DLGAP1: variants seen among roughly 807,000 people sequenced by gnomAD.
DLGAP1 encodes disks large-associated protein 1.
In DLGAP1, 11 loss-of-function variants were observed where a neutral mutation model predicts 90.8. That is an observed-to-expected ratio of 0.12 (90% CI 0.08 to 0.20). DLGAP1 has a LOEUF of 0.20. Ranked by LOEUF, DLGAP1 falls within the 10% of genes least tolerant of loss-of-function variation. The pLI, the probability that DLGAP1 is intolerant of heterozygous loss-of-function variation, is 1.00. For missense variants in DLGAP1, 1,050 were observed against 1,333.8 expected (o/e 0.79, Z 3.31); for synonymous variants, 558 against 540.7 (o/e 1.03, Z -0.44).
chr18:3,667,245 A>G (rs1204559600), intron 7 of DLGAP1, among the ~76,000 whole-genome samples: 1 of 151,722 alleles, frequency 6.6e-6, no homozygotes, highest in African/African-American at 2.4e-5. Context: ...CACCCAGCTT[A>G]TTTTTGTACT....
At chr18:3,815,742 T>G (rs1157105211) in intron 4 of DLGAP1, among the ~76,000 whole-genome samples, 1 of 152,152 alleles carries the variant, frequency 6.6e-6, no homozygotes, top group Non-Finnish European at 1.5e-5. Flanking sequence ...CATTCCTTCT[T>G]CATTTTTCAT....
chr18:3,735,952 A>C (rs202067674), intron 6 of DLGAP1, among the ~76,000 whole-genome samples: 6,550 of 144,546 alleles, frequency 0.045, 477 homozygotes, highest in African/African-American at 0.17. Context: ...CTTTCTCTCT[A>C]CACACACACA....
chr18:3,740,685 C>G (rs984125149), intron 6 of DLGAP1, among the ~76,000 whole-genome samples: 1 of 152,088 alleles, frequency 6.6e-6, no homozygotes, highest in Non-Finnish European at 1.5e-5. Flanking sequence ...TCTATACCAG[C>G]ACCACACCAT....
chr18:3,597,937 A>G (rs1352465538), intron 7 of DLGAP1: 1 of 152,740 alleles, frequency 6.5e-6, no homozygotes, highest in African/African-American at 2.4e-5. Flanking sequence ...CCGTTTTCAA[A>G]GGAAAAACAG....
intron 3 of DLGAP1, among the ~76,000 whole-genome samples, chr18:3,969,807 CAGCGATGA>C (rs1474406272): frequency 6.6e-6 from 1 of 152,126 alleles, no homozygotes; most frequent in African/African-American, 2.4e-5. Context: ...AGGCTCTAGC[CAGCGATGA>C]TCCTTATATA....
chr18:3,608,009 T>C (rs1458556632), intron 7 of DLGAP1: 2 of 152,220 alleles, frequency 1.3e-5, no homozygotes, highest in Admixed American at 6.6e-5. Context: ...GTGGCTGCCA[T>C]CGGGGGACCA....
chr18:3,756,974 A>G (rs2063742061), intron 5 of DLGAP1, among the ~76,000 whole-genome samples: 1 of 152,246 alleles, frequency 6.6e-6, no homozygotes, highest in African/African-American at 2.4e-5. Flanking sequence ...GTTCAGGCTC[A>G]GATCGTTTCA....
At chr18:3,541,381 C>T (rs771423973) in intron 9 of DLGAP1, among the ~76,000 whole-genome samples, 2 of 152,212 alleles carry the variant, frequency 1.3e-5, no homozygotes, top group Non-Finnish European at 2.9e-5. Flanking sequence ...CTGAATGCCA[C>T]GCCTTTAAAA....
At chr18:3,540,873 G>C (rs2052654744) in intron 9 of DLGAP1, among the ~76,000 whole-genome samples, 1 of 152,202 alleles carries the variant, frequency 6.6e-6, no homozygotes, top group South Asian at 2.1e-4. Flanking sequence ...AAAATAATGA[G>C]AGTGGACGTG....
intron 3 of DLGAP1, chr18:3,977,961 T>C (rs1299574726): frequency 2.8e-6 from 1 of 360,464 alleles, no homozygotes; most frequent in Non-Finnish European, 5.4e-6. Context: ...AGCTTTCTAT[T>C]CAGCTCCAGG....
rs75828149 is a variant in DLGAP1, at chr18:3,526,995, G to A, written c.2479+7199C>T. The stretch of plus-strand genomic sequence containing the variant: ...TTATTATCAAGCCAAAAAAAAAAAG[G>A]TACTGTCGACGGTTGGGGTTGAAGG... On this transcript the variant is annotated intron_variant, in intron 10 of 12. Transcript: ENST00000315677. This position sits in a 1 kb window ranked among gnomAD's most constrained non-coding sequence, Gnocchi z 4.7. Among the ~76,000 whole-genome samples, 3 of 152,144 alleles carry A rather than the reference G, an allele frequency of 2.0e-5. No homozygotes were observed. The highest frequency in any genetic ancestry group is 4.1e-4 in the South Asian group (2 of 4,824).
At chr18:4,239,314 A>T (rs971782540) in intron 1 of DLGAP1, among the ~76,000 whole-genome samples, 9 of 152,106 alleles carry the variant, frequency 5.9e-5, no homozygotes, top group South Asian at 2.1e-4. Context: ...GACATCATTT[A>T]AAAAAAATTA....
chr18:3,510,142 C>T (rs2143846294), intron 10 of DLGAP1, among the ~76,000 whole-genome samples: 1 of 152,336 alleles, frequency 6.6e-6, no homozygotes, highest in South Asian at 2.1e-4. Context: ...TTCTTAACAT[C>T]CCCAGAAAGG....
intron 1 of DLGAP1, among the ~76,000 whole-genome samples, chr18:4,329,541 A>G (rs1267814551): frequency 6.6e-6 from 1 of 151,938 alleles, no homozygotes; most frequent in Non-Finnish European, 1.5e-5. Context: ...ATAGGATTCT[A>G]TATTATTTAA....
At chr18:3,969,384 T>C (rs959139936) in intron 3 of DLGAP1, among the ~76,000 whole-genome samples, 11 of 152,312 alleles carry the variant, frequency 7.2e-5, no homozygotes, top group Admixed American at 6.5e-5. Context: ...CACTGGTTTT[T>C]GCAAAACGTT....
chr18:4,380,129 C>CTCA (rs1385769452), intron 1 of DLGAP1, among the ~76,000 whole-genome samples: 27 of 152,230 alleles, frequency 1.8e-4, no homozygotes, highest in African/African-American at 6.5e-4. Context: ...TAAAATTATA[C>CTCA]TCATGACTAT....
intron 7 of DLGAP1, among the ~76,000 whole-genome samples, chr18:3,675,135 G>A (rs568306492): frequency 7.9e-5 from 12 of 152,232 alleles, no homozygotes; most frequent in Admixed American, 2.6e-4. Flanking sequence ...GCAGTGGTGC[G>A]ATCTCGGCTC....
At chr18:3,596,104 T>G (rs894646305) in intron 7 of DLGAP1, among the ~76,000 whole-genome samples, 6 of 151,972 alleles carry the variant, frequency 3.9e-5, no homozygotes, top group African/African-American at 1.5e-4. Flanking sequence ...TGTTGAGAGA[T>G]AGCATGCCCA....
intron 2 of DLGAP1, among the ~76,000 whole-genome samples, chr18:4,036,766 G>C (rs1410292075): frequency 6.6e-6 from 1 of 152,086 alleles, no homozygotes; most frequent in African/African-American, 2.4e-5. Context: ...CTGAAAGAAG[G>C]GGAGTTGTAA....
Sources: gnomAD v4.1 joint callset for allele counts (sites outside exome capture counted in the v4.1 genomes callset) on GRCh38, gnomAD v4.1.1 for gene constraint, Gnocchi (gnomAD v3.1) non-coding constraint, MANE v1.5 for transcripts, NCBI Gene and HGNC (gene_info 2026-07-23, HGNC 2026-07-21) for gene names.